CMC2: variants seen among roughly 807,000 people sequenced by gnomAD.
CMC2 encodes C-X9-C motif containing 2.
Under a neutral mutation model 7.5 loss-of-function variants are expected in CMC2, and 5 were observed. The observed-to-expected ratio is 0.66, with a 90% CI of 0.35 to 1.40. CMC2 has a LOEUF of 1.40. Ranked by LOEUF, CMC2 falls within the 40% of genes most tolerant of loss-of-function variation. CMC2 has a pLI of 0.04. For synonymous variants in CMC2, 37 were observed against 31.4 expected, an observed-to-expected ratio of 1.18 and a Z score of -0.60; for missense variants, 115 against 92.3, an observed-to-expected ratio of 1.25 and a Z score of -1.01.
Position 80,976,188 on chromosome 16 carries a change from TA to T in CMC2, c.154-10del. The T allele has an allele frequency of 6.7e-7, 1 of 1,489,520 alleles. No homozygotes were observed. Among genetic ancestry groups the T allele is most frequent in the Non-Finnish European group, 9.3e-7 (1 of 1,080,338 alleles). The allele number at this position is 1,489,520 out of a possible 1,614,324, so 92.3% of individuals were successfully genotyped here. ...GTCCTGTTTTCTACGTACTGAAAAA[TA>T]AAAGAAGGGGGGGAGAAAAGAAACA... On this transcript the variant is annotated splice_polypyrimidine_tract_variant and intron_variant, in intron 3 of 3. Transcript: ENST00000219400.
intron 2 of CMC2, among the ~76,000 whole-genome samples, chr16:80,992,719 T>TG (rs368032401): frequency 0.57 from 76,424 of 135,074 alleles, 20,377 homozygotes; most frequent in Middle Eastern, 0.71. Flanking sequence ...TTTTTTTTTT[T>TG]TTTGTGTAAA....
intron 2 of CMC2, among the ~76,000 whole-genome samples, chr16:80,985,723 A>T (rs1567514792): frequency 6.6e-6 from 1 of 152,104 alleles, no homozygotes; most frequent in Admixed American, 6.6e-5. Flanking sequence ...GAGTGACTGC[A>T]CCAGGAGAAT....
At chr16:80,988,606 A>G in intron 2 of CMC2, 2 of 698,842 alleles carry the variant, frequency 2.9e-6, no homozygotes, top group Non-Finnish European at 5.2e-6. Context: ...CCTAAAAAAA[A>G]CAAGGACTTA....
chr16:80,996,158 A>G (rs1352622813), intron 2 of CMC2, among the ~76,000 whole-genome samples: 1 of 152,226 alleles, frequency 6.6e-6, no homozygotes, highest in Non-Finnish European at 1.5e-5. Flanking sequence ...GGAAATAAAT[A>G]TGATGCGATA....
In CMC2 at chr16:80,981,888, GA is replaced by G. The variant is rs757845308; in HGVS notation, c.82-12del. On this transcript the variant is annotated splice_polypyrimidine_tract_variant and intron_variant, in intron 2 of 3. Coordinates refer to ENST00000219400, the MANE Select transcript of CMC2 (RefSeq NM_020188.5). ...TTTCAGAATGTTGTGCTAAAAGGAAGAAAAGGAGTAAAATATTTCATCCCAT... is the reference window on the plus strand; with the variant it reads ...TTTCAGAATGTTGTGCTAAAAGGAAGAAAGGAGTAAAATATTTCATCCCAT... 1.3e-6 allele frequency: 2 copies of G among 1,577,834 alleles called. No homozygotes were observed. The highest frequency in any genetic ancestry group is 1.7e-6 in the Non-Finnish European group (2 of 1,149,750).
At position 80,993,092 on chromosome 16, in the gene CMC2, T is replaced by C. The variant is rs79764852; in HGVS notation, c.81+4222A>G. On this transcript the variant is annotated intron_variant, in intron 2 of 3. Coordinates refer to ENST00000219400, the MANE Select transcript of CMC2 (RefSeq NM_020188.5). ...TGTCTGCCCCATTAGTTGATTCATA[T>C]GTATGGTATTCTAACTTTTTCCAAA... Among the ~76,000 whole-genome samples the C allele has an allele frequency of 1.3e-3, 194 of 152,330 alleles. 2 individuals carry two copies. In the East Asian group the frequency reaches 0.035, roughly 27 times the overall value.
chr16:80,989,131 CCTCT>C (rs2151632404), intron 2 of CMC2, among the ~76,000 whole-genome samples: 1 of 152,252 alleles, frequency 6.6e-6, no homozygotes, highest in South Asian at 2.1e-4. Flanking sequence ...ATTCGTTTTT[CCTCT>C]CTAATTATTA....
chr16:80,995,779 G>A (rs2602434), intron 2 of CMC2, among the ~76,000 whole-genome samples: 99,143 of 152,012 alleles, frequency 0.65, 34,079 homozygotes, highest in Middle Eastern at 0.8. Context: ...TAAGGGTTGG[G>A]GACTCACTGC....
At position 81,006,794 on chromosome 16, in the gene CMC2, G is replaced by A; in HGVS notation, c.-96C>T. On this transcript the variant is annotated 5_prime_UTR_variant, in exon 1 of 4. Coordinates refer to ENST00000219400, the MANE Select transcript of CMC2 (RefSeq NM_020188.5). ...AGTAGCCGGCGGAGACGCCCGACCC[G>A]AAGGCCGGCTGCTAGGGAGCAGACA... 1.0e-6 allele frequency: 1 copy of A among 985,588 alleles called. No homozygotes were observed. Among genetic ancestry groups the A allele is most frequent in the Non-Finnish European group, 1.2e-6 (1 of 830,104 alleles). 61.1% of individuals were successfully genotyped at this position (985,588 alleles called of 1,614,324 possible). A position where few individuals can be genotyped will look rare whatever the true frequency, so the allele number is the denominator to read the frequency against.
At chr16:80,978,100 T>G (rs1912654784) in intron 3 of CMC2, 1 of 190,182 alleles carries the variant, frequency 5.3e-6, no homozygotes. Context: ...AAATTACACA[T>G]GAAGCACCAG....
In CMC2 at chr16:80,972,609, T is replaced by G. The variant is rs945605480; in HGVS notation, c.*3484A>C. On this transcript the variant is annotated 3_prime_UTR_variant, in exon 4 of 4. Coordinates refer to ENST00000219400, the MANE Select transcript of CMC2 (RefSeq NM_020188.5). ...TTCCTAAAATAAACCATTAATTCAC[T>G]GTCACCAGAGCATCAAGGTTCACAA... 5.9e-5 allele frequency: 9 copies of G among 152,216 alleles called. No homozygotes were observed. The highest frequency in any genetic ancestry group is 2.2e-4 in the African/African-American group (9 of 41,456). The allele number at this position is 152,216 out of a possible 1,614,324, so 9.4% of individuals were successfully genotyped here. A position where few individuals can be genotyped will look rare whatever the true frequency, so the allele number is the denominator to read the frequency against.
At chr16:81,003,420 C>T (rs1969012172) in intron 1 of CMC2, among the ~76,000 whole-genome samples, 1 of 152,184 alleles carries the variant, frequency 6.6e-6, no homozygotes, top group Non-Finnish European at 1.5e-5. Flanking sequence ...ATGCAATAAC[C>T]TTATGAAACG....
intron 3 of CMC2, among the ~76,000 whole-genome samples, chr16:80,977,519 C>T (rs1193864397): frequency 6.6e-6 from 1 of 152,120 alleles, no homozygotes; most frequent in African/African-American, 2.4e-5. Flanking sequence ...TTAGGAGCCA[C>T]AGATCTGGAG....
intron 3 of CMC2, among the ~76,000 whole-genome samples, chr16:80,979,928 A>AT (rs1432680544): frequency 2.6e-5 from 4 of 151,224 alleles, no homozygotes; most frequent in Non-Finnish European, 5.9e-5. Context: ...GGCCAATATT[A>AT]TTTTTTAGAG....
At position 80,981,815 on chromosome 16, in the gene CMC2, C is replaced by A; in HGVS notation, c.144G>T (p.Leu48=). The A allele has an allele frequency of 6.2e-7, 1 of 1,604,926 alleles. No individual in the cohort carries two copies. Among genetic ancestry groups the A allele is most frequent in the Non-Finnish European group, 8.5e-7 (1 of 1,172,990 alleles). ...NDVDRELRKC[L]KNEYVENRTK... is the part of the protein sequence containing the mutation. The stretch of plus-strand genomic sequence containing the variant: ...TTGACACTTTTCTTACCTCATTCTT[C>A]AGGCATTTTCTCAACTCCCGATCAA... The change falls in exon 3 of 4, where the codon CTG becomes CTT. Residue 48 remains leucine (L), a synonymous_variant. Coordinates refer to ENST00000219400, the MANE Select transcript of CMC2 (RefSeq NM_020188.5).
Position 81,006,875 on chromosome 16 carries a change from G to T in CMC2, c.-177C>A. On this transcript the variant is annotated 5_prime_UTR_variant, in exon 1 of 4. Coordinates refer to ENST00000219400, the MANE Select transcript of CMC2 (RefSeq NM_020188.5). The stretch of plus-strand genomic sequence containing the variant: ...GTGACGCCCTCCACCGCTCCACCGT[G>T]CTCCCGGCTCCTCGCCCCCGCCGCC... The T allele has an allele frequency of 1.0e-6, 1 of 985,956 alleles. No homozygotes were observed. Among genetic ancestry groups the T allele is most frequent in the Non-Finnish European group, 1.2e-6 (1 of 830,308 alleles). 61.1% of individuals were successfully genotyped at this position (985,956 alleles called of 1,614,324 possible).
Position 80,976,139 on chromosome 16 carries a change from G to A in CMC2, c.194C>T (p.Ala65Val). The change falls in exon 4 of 4, where the codon GCA becomes GTA. Residue 65 changes from alanine to valine, a missense_variant. Coordinates refer to ENST00000219400, the MANE Select transcript of CMC2 (RefSeq NM_020188.5). ...AGGATTAAAAAGTTTCTTTCGCATT[G>A]CAATGCCATGCTCCCTGCTCTTGGT... Reference protein sequence around the residue: ...NRTKSREHGIAMRKKLFNPPE... With the variant: ...NRTKSREHGIVMRKKLFNPPE... The A allele has an allele frequency of 6.2e-7, 1 of 1,609,664 alleles. No homozygotes were observed. The highest frequency in any genetic ancestry group is 8.5e-7 in the Non-Finnish European group (1 of 1,176,472).
At chr16:80,983,492 A>G (rs1967287766) in intron 2 of CMC2, 1 of 152,246 alleles carries the variant, frequency 6.6e-6, no homozygotes, top group African/African-American at 2.4e-5. Flanking sequence ...CCCTTTTCTT[A>G]AGGGAAATGT....
chr16:80,993,639 T>C (rs528243578), intron 2 of CMC2, among the ~76,000 whole-genome samples: 34 of 152,300 alleles, frequency 2.2e-4, no homozygotes, highest in African/African-American at 7.7e-4. Context: ...AGAGATCTCA[T>C]TGAATATGCA....
Sources: allele counts gnomAD v4.1 joint callset (sites outside exome capture counted in the v4.1 genomes callset), GRCh38; gene constraint gnomAD v4.1.1; transcripts MANE v1.5; gene names NCBI Gene and HGNC (gene_info 2026-07-23, HGNC 2026-07-21).